Variants in PLCL1 observed in about 807,000 individuals in gnomAD.
PLCL1 encodes the protein phospholipase C like 1 (inactive).
A neutral mutation model predicts 84.4 loss-of-function variants in PLCL1; 41 were observed. That is an observed-to-expected ratio of 0.49 (90% CI 0.38 to 0.63). The LOEUF (loss-of-function observed/expected upper bound fraction) is 0.63. Among genes scored for constraint, PLCL1 ranks in the 30% least tolerant of loss-of-function variants. The probability of loss-of-function intolerance (pLI) is 0.00; values close to 1 mark genes in which losing one functional copy is unlikely to be tolerated. For synonymous variants in PLCL1, 490 were observed against 488.3 expected (o/e 1.00, Z -0.05); for missense variants, 1,206 against 1,367.8 (o/e 0.88, Z 1.87).
chr2:197,870,952 G>C (rs1471364119), intron 1 of PLCL1, among the ~76,000 whole-genome samples: 1 of 152,022 alleles, frequency 6.6e-6, no homozygotes, highest in Non-Finnish European at 1.5e-5. Flanking sequence ...CCGTGATTCA[G>C]ATGCTCACCT....
At chr2:197,974,424 C>T (rs542828172) in intron 1 of PLCL1, among the ~76,000 whole-genome samples, 1 of 152,268 alleles carries the variant, frequency 6.6e-6, no homozygotes, top group Admixed American at 6.5e-5. Flanking sequence ...AAAAGAAGCC[C>T]TCCTTTATGA....
Position 198,084,487 on chromosome 2 carries a change from T to A in PLCL1, c.970T>A (p.Ser324Thr). 1 of 1,614,070 alleles carries A rather than the reference T, an allele frequency of 6.2e-7. No individual in the cohort carries two copies. Among genetic ancestry groups the A allele is most frequent in the Non-Finnish European group, 8.5e-7 (1 of 1,179,936 alleles). The part of the protein sequence containing the change: ...PEVYFLLVQI[S>T]KNKEYLDAND... Reference sequence around the variant, plus strand: ...AGTGTATTTCTTACTTGTACAGATATCTAAAAACAAAGAATATTTGGATGC... The same window carrying A: ...AGTGTATTTCTTACTTGTACAGATAACTAAAAACAAAGAATATTTGGATGC... The change falls in exon 2 of 6, where the codon TCT becomes ACT. Residue 324 changes from serine (S) to threonine (T), a missense_variant. Physicochemically the swap from Ser to Thr is moderately conservative, Grantham distance 58. Transcript: ENST00000428675.
chr2:198,106,713 A>G (rs1179595956), intron 5 of PLCL1, among the ~76,000 whole-genome samples: 3 of 151,892 alleles, frequency 2.0e-5, no homozygotes, highest in Non-Finnish European at 4.4e-5. Context: ...ATTGTTCAGC[A>G]CTTATTTTGT....
At chr2:198,127,754 A>G (rs1694022477) in intron 5 of PLCL1, among the ~76,000 whole-genome samples, 3 of 152,170 alleles carry the variant, frequency 2.0e-5, no homozygotes, top group South Asian at 2.1e-4. Context: ...AATAAACCAC[A>G]TGGTTTTAGA....
intron 1 of PLCL1, among the ~76,000 whole-genome samples, chr2:197,845,531 C>T (rs191523999): frequency 1.1e-4 from 16 of 152,184 alleles, no homozygotes; most frequent in Admixed American, 2.0e-4. Context: ...GGAATGAGGA[C>T]GTGGTCAGCC....
At chr2:198,034,408 A>G (rs1356421768) in intron 1 of PLCL1, among the ~76,000 whole-genome samples, 2 of 152,212 alleles carry the variant, frequency 1.3e-5, no homozygotes, top group Admixed American at 6.5e-5. Flanking sequence ...TCATGCTGCT[A>G]TAAAGACACT....
chr2:197,908,724 T>TA (rs1194947165), intron 1 of PLCL1, among the ~76,000 whole-genome samples: 1 of 152,146 alleles, frequency 6.6e-6, no homozygotes, highest in African/African-American at 2.4e-5. Context: ...TATCCTAACT[T>TA]AAAAAAACCT....
chr2:197,889,385 T>C (rs1294853703), intron 1 of PLCL1, among the ~76,000 whole-genome samples: 3 of 152,202 alleles, frequency 2.0e-5, no homozygotes, highest in East Asian at 3.8e-4. Context: ...GGGAAATAAG[T>C]TGTACTCAAA....
At chr2:198,096,662 A>AT (rs764754999) in intron 3 of PLCL1, among the ~76,000 whole-genome samples, 24 of 152,186 alleles carry the variant, frequency 1.6e-4, no homozygotes, top group Non-Finnish European at 2.9e-4. Context: ...GGTAAGAACA[A>AT]TTTTTTTTAA....
At chr2:198,045,204 G>C (rs1304171190) in intron 1 of PLCL1, among the ~76,000 whole-genome samples, 2 of 152,150 alleles carry the variant, frequency 1.3e-5, no homozygotes, top group Non-Finnish European at 2.9e-5. Flanking sequence ...AATTTGGGGT[G>C]ATAAGTCCTT....
At chr2:198,013,220 T>G (rs1177732316) in intron 1 of PLCL1, among the ~76,000 whole-genome samples, 4 of 152,086 alleles carry the variant, frequency 2.6e-5, no homozygotes, top group Non-Finnish European at 4.4e-5. Flanking sequence ...CCATTGGTCA[T>G]TTTTAAGTTC....
At chr2:197,820,027 G>A (rs1690784444) in intron 1 of PLCL1, among the ~76,000 whole-genome samples, 1 of 151,958 alleles carries the variant, frequency 6.6e-6, no homozygotes, top group African/African-American at 2.4e-5. Context: ...TATTCATCTG[G>A]CTGGAATGGA....
In PLCL1 at chr2:197,985,133, G is replaced by A. The variant is rs768749467; in HGVS notation, c.241-98625G>A. Among the ~76,000 whole-genome samples, 8 of 152,222 alleles carry A rather than the reference G, an allele frequency of 5.3e-5. No homozygotes were observed. In the South Asian group the frequency reaches 8.3e-4, roughly 16 times the overall value. On this transcript the variant is annotated intron_variant, in intron 1 of 5. Transcript: ENST00000428675. ...GGCAGCTGAATGCTTTGGTGCAAGCGCAAGGTAGGATCAGAGCAACCTAGG... is the reference window on the plus strand; with the variant it reads ...GGCAGCTGAATGCTTTGGTGCAAGCACAAGGTAGGATCAGAGCAACCTAGG...
chr2:198,003,189 A>G (rs1690646395), intron 1 of PLCL1, among the ~76,000 whole-genome samples: 1 of 152,168 alleles, frequency 6.6e-6, no homozygotes. Flanking sequence ...GAGTTTTTAA[A>G]TAATAGACAT....
intron 1 of PLCL1, chr2:198,001,869 T>C: frequency 7.3e-6 from 2 of 273,102 alleles, no homozygotes; most frequent in East Asian, 9.3e-5. Context: ...TATTGTGAAC[T>C]GTGCGTGTGA....
intron 1 of PLCL1, among the ~76,000 whole-genome samples, chr2:197,806,884 T>C (rs1690497699): frequency 6.6e-6 from 1 of 152,226 alleles, no homozygotes; most frequent in African/African-American, 2.4e-5. Context: ...ATAAGGAATA[T>C]ACAAATTCTT....
At chr2:197,833,919 T>C (rs562218565) in intron 1 of PLCL1, among the ~76,000 whole-genome samples, 1 of 152,254 alleles carries the variant, frequency 6.6e-6, no homozygotes, top group East Asian at 1.9e-4. Flanking sequence ...CAAACTGTAC[T>C]ACAAGGCCAC....
At position 198,035,059 on chromosome 2, in the gene PLCL1, C is replaced by A. The variant is rs1232292715; in HGVS notation, c.241-48699C>A. Among the ~76,000 whole-genome samples, 3 of 152,264 alleles carry A rather than the reference C, an allele frequency of 2.0e-5. No homozygotes were observed. The East Asian group carries it at 5.8e-4, about 29-fold the overall frequency. ...TAATGTGGTATCTGCCATATTTCTG[C>A]ACTGTAAAATTACTCTTTGTCCCCT... On this transcript the variant is annotated intron_variant, in intron 1 of 5. Coordinates refer to ENST00000428675, the MANE Select transcript of PLCL1 (RefSeq NM_006226.4).
At chr2:197,973,258 C>T (rs1007963376) in intron 1 of PLCL1, among the ~76,000 whole-genome samples, 5 of 152,264 alleles carry the variant, frequency 3.3e-5, no homozygotes, top group South Asian at 2.1e-4. Flanking sequence ...TGCTTACCAC[C>T]GTCTTTCCTT....
Sources: allele counts gnomAD v4.1 joint callset (sites outside exome capture counted in the v4.1 genomes callset), GRCh38; gene constraint gnomAD v4.1.1; transcripts MANE v1.5; gene names NCBI Gene and HGNC (gene_info 2026-07-23, HGNC 2026-07-21).